RBFOX3: variants seen among roughly 807,000 people sequenced by gnomAD.
RBFOX3 encodes the protein RNA binding fox-1 homolog 3, also known as RNA binding protein fox-1 homolog 3.
In RBFOX3, 17 loss-of-function variants were observed where a neutral mutation model predicts 48.7. The ratio of observed to expected loss-of-function variants is 0.35; its 90% CI spans 0.24 to 0.52. The LOEUF (loss-of-function observed/expected upper bound fraction) is 0.52, where lower values mean the gene tolerates loss of function less well. Ranked by LOEUF, RBFOX3 falls within the 20% of genes least tolerant of loss-of-function variation. The pLI is 0.94. For missense variants in RBFOX3, 382 were observed against 497.5 expected (o/e 0.77, Z 2.21); for synonymous variants, 212 against 209.5 (o/e 1.01, Z -0.10).
intron 9 of RBFOX3, chr17:79,097,947 T>C (rs2075703887): frequency 3.4e-6 from 2 of 596,836 alleles, no homozygotes; most frequent in East Asian, 2.8e-5. Flanking sequence ...CTGACTCTTC[T>C]GCCTGGGGGT....
chr17:79,429,583 G>T (rs1019711050), intron 2 of RBFOX3, among the ~76,000 whole-genome samples: 1 of 152,110 alleles, frequency 6.6e-6, no homozygotes, highest in Non-Finnish European at 1.5e-5. Context: ...AGCTGCCGAG[G>T]TTGGGTCCTC....
chr17:79,453,225 C>T (rs571735438), intron 2 of RBFOX3, among the ~76,000 whole-genome samples: 1 of 152,244 alleles, frequency 6.6e-6, no homozygotes, highest in Non-Finnish European at 1.5e-5. Flanking sequence ...CCAGACCCAG[C>T]GGCCATGCTG....
intron 4 of RBFOX3, among the ~76,000 whole-genome samples, chr17:79,139,885 G>A (rs575741868): frequency 1.9e-4 from 29 of 152,326 alleles, no homozygotes; most frequent in East Asian, 9.6e-4. Context: ...GCCAGACGAC[G>A]TGGGTGTCAC....
At chr17:79,571,760 G>C (rs2092685560) in intron 1 of RBFOX3, among the ~76,000 whole-genome samples, 2 of 152,108 alleles carry the variant, frequency 1.3e-5, no homozygotes, top group African/African-American at 4.8e-5. Flanking sequence ...ACTTGCTGCA[G>C]GGGGTCTGGC....
At chr17:79,303,946 T>C (rs992824733) in intron 3 of RBFOX3, among the ~76,000 whole-genome samples, 1 of 151,924 alleles carries the variant, frequency 6.6e-6, no homozygotes, top group Non-Finnish European at 1.5e-5. Flanking sequence ...GGAAGGAACA[T>C]GAAGCCAGAT....
intron 4 of RBFOX3, among the ~76,000 whole-genome samples, chr17:79,172,063 A>G (rs969439245): frequency 6.6e-6 from 1 of 150,380 alleles, no homozygotes; most frequent in Non-Finnish European, 1.5e-5. Context: ...AATCCCAGCT[A>G]CTCGGGAGGC....
At position 79,100,835 on chromosome 17, in the gene RBFOX3, C is replaced by T. The variant is rs1016077139; in HGVS notation, c.568+749G>A. On this transcript the variant is annotated intron_variant, in intron 9 of 14. Coordinates refer to ENST00000693108, the MANE Select transcript of RBFOX3 (RefSeq NM_001350451.2). The stretch of plus-strand genomic sequence containing the variant: ...CTGCTTCTCCAGAGCCAGCACTTAG[C>T]GTCGGCAGATCCATCTCCAAGGAAG... Among the ~76,000 whole-genome samples, 21 of 152,182 alleles carry T rather than the reference C, an allele frequency of 1.4e-4. 1 individual carries two copies. Among genetic ancestry groups the T allele is most frequent in the African/African-American group, 4.6e-4 (19 of 41,430 alleles).
At chr17:79,498,542 T>TA (rs1568347402) in intron 1 of RBFOX3, among the ~76,000 whole-genome samples, 2 of 141,244 alleles carry the variant, frequency 1.4e-5, no homozygotes. Flanking sequence ...TCCATCCACT[T>TA]ACCCATCCGT....
the RBFOX3 span, among the ~76,000 whole-genome samples, chr17:79,624,655 G>A: frequency 2.6e-5 from 4 of 152,166 alleles, no homozygotes; most frequent in Admixed American, 2.0e-4. Flanking sequence ...CTCGGGACCT[G>A]CTTCTCTTGT....
intron 1 of RBFOX3, among the ~76,000 whole-genome samples, chr17:79,494,307 T>G (rs1363777212): frequency 1.3e-5 from 2 of 152,056 alleles, no homozygotes; most frequent in Admixed American, 1.3e-4. Context: ...GAAGATGCAG[T>G]GTAAGGGGTG....
chr17:79,470,035 C>A (rs1006566132), intron 2 of RBFOX3, among the ~76,000 whole-genome samples: 1 of 152,110 alleles, frequency 6.6e-6, no homozygotes, highest in African/African-American at 2.4e-5. Flanking sequence ...GTCGTAGGCA[C>A]GTGTGGGGCC....
At chr17:79,150,299 G>T (rs2044136553) in intron 4 of RBFOX3, among the ~76,000 whole-genome samples, 1 of 152,016 alleles carries the variant, frequency 6.6e-6, no homozygotes, top group African/African-American at 2.4e-5. Context: ...ACTCTGCTTG[G>T]GTAGGACGCT....
intron 2 of RBFOX3, among the ~76,000 whole-genome samples, chr17:79,318,785 G>A (rs2145921655): frequency 7.1e-6 from 1 of 141,362 alleles, no homozygotes; most frequent in Admixed American, 7.8e-5. Context: ...AACCCGGGAG[G>A]CAAAGTTTGC....
At chr17:79,296,710 CCT>C (rs1488959749) in intron 3 of RBFOX3, among the ~76,000 whole-genome samples, 1 of 148,746 alleles carries the variant, frequency 6.7e-6, no homozygotes, top group African/African-American at 2.5e-5. Context: ...TTCCTTTTTT[CCT>C]CTTTCTCCTC....
At chr17:79,221,393 C>T (rs1461930742) in intron 4 of RBFOX3, among the ~76,000 whole-genome samples, 3 of 152,374 alleles carry the variant, frequency 2.0e-5, no homozygotes, top group East Asian at 1.9e-4. Context: ...TGGCTGCAGG[C>T]GGGTGGCTGC....
chr17:79,259,825 C>A lies in RBFOX3; in HGVS notation c.-73-24020G>T, dbSNP rs188985332. Among the ~76,000 whole-genome samples the A allele has an allele frequency of 3.5e-3, 530 of 152,270 alleles. 4 individuals carry two copies. Among genetic ancestry groups the A allele is most frequent in the African/African-American group, 8.8e-3 (364 of 41,544 alleles). On this transcript the variant is annotated intron_variant, in intron 3 of 14. Transcript: ENST00000693108. Reference sequence around the variant, plus strand: ...TCTGCAGCAGGCGCCATTCTCAGTACTGGGCAGCATTTTCCCTCTCTCTCT... The same window carrying A: ...TCTGCAGCAGGCGCCATTCTCAGTAATGGGCAGCATTTTCCCTCTCTCTCT...
At chr17:79,297,471 C>CT (rs1600488090) in intron 3 of RBFOX3, among the ~76,000 whole-genome samples, 1 of 107,260 alleles carries the variant, frequency 9.3e-6, no homozygotes, top group East Asian at 2.9e-4. Flanking sequence ...CGGGCCATCC[C>CT]CCGGTACCAC....
chr17:79,630,824 C>A, the RBFOX3 span, among the ~76,000 whole-genome samples: 1 of 152,114 alleles, frequency 6.6e-6, no homozygotes, highest in Non-Finnish European at 1.5e-5. Context: ...ATTATTGACC[C>A]CAGTTTACAG....
At chr17:79,097,195 G>T in intron 11 of RBFOX3, 97 bp downstream of exon 11, 1 of 976,098 alleles carries the variant, frequency 1.0e-6, no homozygotes, top group Non-Finnish European at 1.4e-6. Flanking sequence ...GGTCTGGAAA[G>T]GCTGCCTAGC....
Sources: allele counts gnomAD v4.1 joint callset (sites outside exome capture counted in the v4.1 genomes callset), GRCh38; gene constraint gnomAD v4.1.1; transcripts MANE v1.5; gene names NCBI Gene and HGNC (gene_info 2026-07-23, HGNC 2026-07-21).